The following ANXA4 variants were observed in gnomAD, a reference collection of about 807,000 sequenced individuals.
The protein encoded by ANXA4 is annexin A4.
In ANXA4, 39 loss-of-function variants were observed where a neutral mutation model predicts 49.8. The observed-to-expected ratio is 0.78, with a 90% CI of 0.61 to 1.02. ANXA4 has a LOEUF of 1.02. ANXA4 is among the 50% of genes least tolerant of loss of function. ANXA4 has a pLI of 0.00. For missense variants in ANXA4, 360 were observed against 410.1 expected, an observed-to-expected ratio of 0.88 and a Z score of 1.05; for synonymous variants, 134 against 152.5, an observed-to-expected ratio of 0.88 and a Z score of 0.89.
At chr2:69,690,855 T>C (rs1417576323) in intron 2 of ANXA4, among the ~76,000 whole-genome samples, 1 of 152,230 alleles carries the variant, frequency 6.6e-6, no homozygotes, top group Non-Finnish European at 1.5e-5. Flanking sequence ...TTAAGCACCA[T>C]GTTTCAGTGC....
intron 3 of ANXA4, chr2:69,720,872 G>A (rs1414614193): frequency 1.3e-5 from 2 of 152,230 alleles, no homozygotes; most frequent in Non-Finnish European, 2.9e-5. Flanking sequence ...GGGACCGGAG[G>A]TAAGCCAGGA....
chr2:69,686,053 A>G (rs962272190), intron 2 of ANXA4, among the ~76,000 whole-genome samples: 10 of 152,234 alleles, frequency 6.6e-5, no homozygotes, highest in African/African-American at 2.4e-4. Flanking sequence ...TAAACACAGT[A>G]AAATTACTAG....
chr2:69,660,644 A>C (rs979536145), intron 2 of ANXA4, among the ~76,000 whole-genome samples: 2 of 152,204 alleles, frequency 1.3e-5, no homozygotes, highest in African/African-American at 4.8e-5. Context: ...ACCAAAGGGA[A>C]ATTTTAGAAA....
At chr2:69,821,704 G>A (rs1051573690) in intron 12 of ANXA4, among the ~76,000 whole-genome samples, 15 of 151,970 alleles carry the variant, frequency 9.9e-5, no homozygotes, top group Admixed American at 9.2e-4. Context: ...CACCCGTCTC[G>A]GCCTCCCAAA....
chr2:69,721,573 C>T (rs566239917), intron 3 of ANXA4, among the ~76,000 whole-genome samples: 1 of 152,002 alleles, frequency 6.6e-6, no homozygotes, highest in Non-Finnish European at 1.5e-5. Context: ...CGGTGGAACA[C>T]GCCTGTAGTC....
intron 1 of ANXA4, among the ~76,000 whole-genome samples, chr2:69,651,777 C>T (rs910431451): frequency 7.9e-6 from 1 of 126,838 alleles, no homozygotes; most frequent in Non-Finnish European, 1.6e-5. Context: ...GGTGGGATTA[C>T]AGGCGTGAGC....
chr2:69,731,690 G>A (rs1025246440), intron 3 of ANXA4, among the ~76,000 whole-genome samples: 2 of 152,092 alleles, frequency 1.3e-5, no homozygotes, highest in Non-Finnish European at 2.9e-5. Flanking sequence ...AGGCTTCCTT[G>A]TCAGCTGTCA....
chr2:69,717,710 C>A (rs1330507916), intron 2 of ANXA4, among the ~76,000 whole-genome samples: 3 of 152,174 alleles, frequency 2.0e-5, no homozygotes, highest in Non-Finnish European at 2.9e-5. Context: ...GACCCCTCCC[C>A]ACAAAGCCTT....
intron 1 of ANXA4, among the ~76,000 whole-genome samples, chr2:69,764,615 G>A (rs1183111428): frequency 6.6e-6 from 1 of 152,172 alleles, no homozygotes; most frequent in African/African-American, 2.4e-5. Flanking sequence ...CCCATCTTAA[G>A]TGGTTAGTTT....
intron 7 of ANXA4, among the ~76,000 whole-genome samples, chr2:69,812,252 TG>T: frequency 6.6e-6 from 1 of 152,030 alleles, no homozygotes; most frequent in Non-Finnish European, 1.5e-5. Context: ...CTCGAGTAGC[TG>T]GAACTACATG....
Position 69,820,718 on chromosome 2 carries a change from A to G in ANXA4, c.803A>G (p.Asn268Ser). Residue 268 changes from asparagine (N) to serine (S), a missense_variant, in exon 12 of 13, where the codon AAC (asparagine) becomes AGC (serine). Asn to Ser is a conservative substitution (Grantham distance 46). Transcript: ENST00000394295. Reference protein sequence around the residue: ...KSMKGLGTDDNTLIRVMVSRA... With the variant: ...KSMKGLGTDDSTLIRVMVSRA... The stretch of plus-strand genomic sequence containing the variant: ...CCTTAGGGCTTGGGCACCGATGATA[A>G]CACCCTCATCAGAGTGATGGTTTCT... 6.2e-7 allele frequency: 1 copy of G among 1,614,064 alleles called. No individual in the cohort carries two copies. The highest frequency in any genetic ancestry group is 1.7e-5 in the Admixed American group (1 of 60,002).
intron 2 of ANXA4, chr2:69,700,448 G>C (rs774088235): frequency 5.3e-5 from 8 of 152,160 alleles, no homozygotes; most frequent in Non-Finnish European, 8.8e-5. Flanking sequence ...GGTTTAAAAA[G>C]TCTTACTATC....
intron 2 of ANXA4, among the ~76,000 whole-genome samples, chr2:69,664,675 C>G (rs1676867981): frequency 6.6e-6 from 1 of 152,192 alleles, no homozygotes; most frequent in South Asian, 2.1e-4. Flanking sequence ...AAATTGGCAG[C>G]AACAGTATGT....
Position 69,810,650 on chromosome 2 carries a change from C to G in ANXA4, c.454C>G (p.Arg152Gly). ...CTCTGACACATCGTTCATGTTCCAG[C>G]GAGTGCTGGTGTCTCTGTCAGCTGT... Reference protein sequence around the residue: ...IRSDTSFMFQRVLVSLSAGGR... With the variant: ...IRSDTSFMFQGVLVSLSAGGR... The change falls in exon 7 of 13, where the codon CGA becomes GGA. Residue 152 changes from arginine (R) to glycine (G), a missense_variant. Coordinates refer to ENST00000394295, the MANE Select transcript of ANXA4 (RefSeq NM_001153.5). 6.2e-7 allele frequency: 1 copy of G among 1,614,020 alleles called. No individual in the cohort carries two copies. Among genetic ancestry groups the G allele is most frequent in the Non-Finnish European group, 8.5e-7 (1 of 1,179,928 alleles).
intron 1 of ANXA4, among the ~76,000 whole-genome samples, chr2:69,773,904 A>G (rs1366405229): frequency 1.3e-5 from 2 of 151,862 alleles, no homozygotes; most frequent in Non-Finnish European, 2.9e-5. Context: ...TGCTGGGATT[A>G]CAGGCATGAG....
At chr2:69,773,881 C>T (rs541852973) in intron 1 of ANXA4, among the ~76,000 whole-genome samples, 6 of 152,104 alleles carry the variant, frequency 3.9e-5, no homozygotes, top group African/African-American at 1.2e-4. Context: ...TCGCCTGCCT[C>T]GGCCTCCCAA....
intron 2 of ANXA4, among the ~76,000 whole-genome samples, chr2:69,673,679 T>C (rs1220001191): frequency 7.1e-6 from 1 of 141,546 alleles, no homozygotes; most frequent in African/African-American, 2.7e-5. Flanking sequence ...AGAAACATTT[T>C]TTTCAAAGAC....
At chr2:69,663,606 A>G (rs879867747) in intron 2 of ANXA4, among the ~76,000 whole-genome samples, 4 of 151,942 alleles carry the variant, frequency 2.6e-5, no homozygotes, top group Non-Finnish European at 5.9e-5. Context: ...GTAGTGTGCT[A>G]TTATCATGCC....
intron 3 of ANXA4, among the ~76,000 whole-genome samples, chr2:69,728,667 G>T (rs1278858418): frequency 6.6e-6 from 1 of 152,122 alleles, no homozygotes; most frequent in Admixed American, 6.5e-5. Context: ...CATAAATCAG[G>T]TGACCAGAAA....
Sources: gnomAD v4.1 joint callset for allele counts (sites outside exome capture counted in the v4.1 genomes callset) on GRCh38, gnomAD v4.1.1 for gene constraint, MANE v1.5 for transcripts, NCBI Gene and HGNC (gene_info 2026-07-23, HGNC 2026-07-21) for gene names.